Variants in SCFD2 observed in about 807,000 individuals in gnomAD.
The protein encoded by SCFD2 is sec1 family domain-containing protein 2.
A neutral mutation model predicts 58.9 loss-of-function variants in SCFD2; 54 were observed. That is an observed-to-expected ratio of 0.92 (90% CI 0.74 to 1.15). The LOEUF (loss-of-function observed/expected upper bound fraction) is 1.15, where lower values mean the gene tolerates loss of function less well. Ranked by LOEUF, SCFD2 falls within the 50% of genes most tolerant of loss-of-function variation. The pLI, the probability that SCFD2 is intolerant of heterozygous loss-of-function variation, is 0.00. For missense variants in SCFD2, 805 were observed against 836.6 expected (o/e 0.96, Z 0.47); for synonymous variants, 321 against 335.9 (o/e 0.96, Z 0.49).
intron 4 of SCFD2, among the ~76,000 whole-genome samples, chr4:53,194,507 A>G (rs1560378980): frequency 6.6e-6 from 1 of 152,192 alleles, no homozygotes; most frequent in Non-Finnish European, 1.5e-5. Flanking sequence ...TCTTTTCTTC[A>G]TATTACGGAT....
chr4:53,187,224 T>A (rs1263342215), intron 4 of SCFD2, among the ~76,000 whole-genome samples: 2 of 152,060 alleles, frequency 1.3e-5, no homozygotes, highest in Non-Finnish European at 2.9e-5. Flanking sequence ...ATTTAAGAAA[T>A]TAGAAAGTAT....
intron 4 of SCFD2, among the ~76,000 whole-genome samples, chr4:53,216,958 G>C (rs1014222956): frequency 1.1e-4 from 16 of 152,310 alleles, no homozygotes; most frequent in Admixed American, 2.0e-4. Flanking sequence ...GAGCGGTTTT[G>C]AGTGAGTTTC....
chr4:53,089,951 A>C (rs1389303860), intron 5 of SCFD2, among the ~76,000 whole-genome samples: 1 of 152,228 alleles, frequency 6.6e-6, no homozygotes, highest in Non-Finnish European at 1.5e-5. Context: ...TTAATTTTAA[A>C]GACATCTGTG....
rs1455575547 is a variant in SCFD2 at position 52,873,911 on chromosome 4, G to C, written c.*58C>G. ...GTTGTGGAGGAGTATTTGGAGTGGT[G>C]GCAGAAAATTGCATCGGCATTTCCA... is the stretch of plus-strand genomic sequence containing the variant. On this transcript the variant is annotated 3_prime_UTR_variant, in exon 9 of 9. Coordinates refer to ENST00000401642, the MANE Select transcript of SCFD2 (RefSeq NM_152540.4). The C allele has an allele frequency of 3.2e-6, 4 of 1,248,588 alleles. No homozygotes were observed. In the African/African-American group the frequency reaches 5.9e-5, roughly 18 times the overall value. The allele number at this position is 1,248,588 out of a possible 1,614,324, so 77.3% of individuals were successfully genotyped here.
At chr4:53,162,124 T>C (rs972665064) in intron 4 of SCFD2, among the ~76,000 whole-genome samples, 13 of 152,176 alleles carry the variant, frequency 8.5e-5, no homozygotes, top group African/African-American at 3.1e-4. Flanking sequence ...AATGTACACA[T>C]TATCTAAAAA....
chr4:53,139,560 C>T (rs368257148), intron 5 of SCFD2, among the ~76,000 whole-genome samples: 6 of 148,736 alleles, frequency 4.0e-5, no homozygotes, highest in African/African-American at 1.2e-4. Context: ...GGAGCCCCTC[C>T]GCCCGGCAGC....
intron 4 of SCFD2, among the ~76,000 whole-genome samples, chr4:53,230,383 C>G (rs1193373417): frequency 2.0e-5 from 3 of 152,064 alleles, no homozygotes; most frequent in Non-Finnish European, 4.4e-5. Context: ...AAATGTCCAA[C>G]AATGATAGAC....
At chr4:52,976,291 A>G (rs1390003270) in intron 5 of SCFD2, among the ~76,000 whole-genome samples, 3 of 152,196 alleles carry the variant, frequency 2.0e-5, no homozygotes, top group Admixed American at 2.0e-4. Flanking sequence ...TTGTATTCAA[A>G]TGAAGTAATA....
intron 5 of SCFD2, 86 bp from the exon 6 acceptor site, chr4:52,920,956 GA>G: frequency 1.4e-6 from 1 of 702,428 alleles, no homozygotes; most frequent in Non-Finnish European, 2.2e-6. Flanking sequence ...ATGTAGTTGG[GA>G]GGTTTTTTTT....
chr4:53,359,594 TA>T (rs1734495513), intron 1 of SCFD2, among the ~76,000 whole-genome samples: 1 of 152,242 alleles, frequency 6.6e-6, no homozygotes, highest in Non-Finnish European at 1.5e-5. Flanking sequence ...TTCTGATTTT[TA>T]GAAGTTGTTG....
chr4:53,250,351 G>GGGA (rs1730314111), intron 4 of SCFD2, among the ~76,000 whole-genome samples: 1 of 152,020 alleles, frequency 6.6e-6, no homozygotes. Context: ...CAATAATAAT[G>GGGA]GGAGACTTTA....
At chr4:53,178,474 AC>A (rs747194637) in intron 4 of SCFD2, among the ~76,000 whole-genome samples, 5 of 152,186 alleles carry the variant, frequency 3.3e-5, no homozygotes, top group Non-Finnish European at 7.4e-5. Flanking sequence ...AACAGAAAGG[AC>A]ATCCACACCA....
rs554177750 is a variant in SCFD2 at position 52,991,077 on chromosome 4, G to C, written c.1562-70207C>G. Among the ~76,000 whole-genome samples the C allele has an allele frequency of 2.0e-5, 3 of 152,316 alleles. No homozygotes were observed. In the East Asian group the frequency reaches 5.8e-4, roughly 29 times the overall value. On this transcript the variant is annotated intron_variant, in intron 5 of 8. Transcript: ENST00000401642. ...GAAGGAAGTCCACTAAGAGGTACTA[G>C]AGGGTATTCTGCAGGCAGAAAGGGG...
At chr4:53,188,697 C>T (rs563847484) in intron 4 of SCFD2, among the ~76,000 whole-genome samples, 6 of 152,222 alleles carry the variant, frequency 3.9e-5, no homozygotes, top group African/African-American at 1.4e-4. Flanking sequence ...AATCTATTAA[C>T]TCATGCCTTT....
intron 4 of SCFD2, among the ~76,000 whole-genome samples, chr4:53,204,764 A>G (rs1416756144): frequency 6.7e-6 from 1 of 149,146 alleles, no homozygotes; most frequent in Non-Finnish European, 1.5e-5. Context: ...AAATTTGAGA[A>G]TACTGGTAAG....
At chr4:53,318,119 C>T (rs1284338187) in intron 2 of SCFD2, among the ~76,000 whole-genome samples, 4 of 152,126 alleles carry the variant, frequency 2.6e-5, no homozygotes, top group Non-Finnish European at 5.9e-5. Flanking sequence ...ACTGAAAACT[C>T]CAATGCAAGC....
chr4:53,291,053 C>CA (rs1228767727), intron 3 of SCFD2, among the ~76,000 whole-genome samples: 1 of 151,938 alleles, frequency 6.6e-6, no homozygotes, highest in East Asian at 1.9e-4. Context: ...TAAGCCCACA[C>CA]AAAAAAATTA....
chr4:53,173,758 G>A (rs1727247137), intron 4 of SCFD2, among the ~76,000 whole-genome samples: 1 of 151,806 alleles, frequency 6.6e-6, no homozygotes, highest in Non-Finnish European at 1.5e-5. Context: ...ATGCATTTTT[G>A]CTTTGTGGTT....
chr4:52,997,265 A>G (rs926071642), intron 5 of SCFD2, among the ~76,000 whole-genome samples: 2 of 152,136 alleles, frequency 1.3e-5, no homozygotes, highest in African/African-American at 4.8e-5. Flanking sequence ...TTTTGAAGGG[A>G]GCTTGAGGTT....
Sources: gnomAD v4.1 joint callset for allele counts (sites outside exome capture counted in the v4.1 genomes callset) on GRCh38, gnomAD v4.1.1 for gene constraint, MANE v1.5 for transcripts, NCBI Gene and HGNC (gene_info 2026-07-23, HGNC 2026-07-21) for gene names.